The following ZNF142 variants were observed in gnomAD, a reference collection of about 807,000 sequenced individuals.
The protein encoded by ZNF142 is zinc finger protein 142.
In ZNF142, 96 loss-of-function variants were observed where a neutral mutation model predicts 132.1. That is an observed-to-expected ratio of 0.73 (90% CI 0.62 to 0.86). The LOEUF is 0.86. Ranked by LOEUF, ZNF142 falls within the 40% of genes least tolerant of loss-of-function variation. The pLI, the probability that ZNF142 is intolerant of heterozygous loss-of-function variation, is 0.00. For synonymous variants in ZNF142, 842 were observed against 890.1 expected, an observed-to-expected ratio of 0.95 and a Z score of 0.96; for missense variants, 2,163 against 2,336.2, an observed-to-expected ratio of 0.93 and a Z score of 1.53.
rs1362660602 is a variant in ZNF142 at position 218,636,971 on chromosome 2, C to G, written c.*1368G>C. 3 of 452,594 alleles carry G rather than the reference C, an allele frequency of 6.6e-6. No homozygotes were observed. The highest frequency in any genetic ancestry group is 1.3e-5 in the Non-Finnish European group (3 of 225,586). The allele number at this position is 452,594 out of a possible 1,614,324, so 28.0% of individuals were successfully genotyped here. A position where few individuals can be genotyped will look rare whatever the true frequency, so the allele number is the denominator to read the frequency against. Reference sequence around the variant, plus strand: ...GGAATAGAGAAACCTAAAGAAGCATCATCCCCTCCATCCCCAACTTCCTCA... The same window carrying G: ...GGAATAGAGAAACCTAAAGAAGCATGATCCCCTCCATCCCCAACTTCCTCA... On this transcript the variant is annotated 3_prime_UTR_variant, in exon 11 of 11. Transcript: ENST00000411696.
chr2:218,641,731 A>T (rs1176727427), intron 9 of ZNF142, among the ~76,000 whole-genome samples: 3 of 151,796 alleles, frequency 2.0e-5, no homozygotes, highest in Admixed American at 2.0e-4. Flanking sequence ...TTGTAATGGG[A>T]TCTCGCTCTG....
rs199581087 is a variant in ZNF142, at chr2:218,633,671, C to T, written c.*4668G>A. The T allele has an allele frequency of 4.5e-5, 73 of 1,613,304 alleles. No individual in the cohort carries two copies. The East Asian group carries it at 5.1e-4, about 11-fold the overall frequency. ...TATCTACTTGAAGTCTGTCTCATTC[C>T]GCAGCTTCACACATTCAAAGGAGCA... On this transcript the variant is annotated 3_prime_UTR_variant, in exon 11 of 11. Coordinates refer to ENST00000411696, the MANE Select transcript of ZNF142 (RefSeq NM_001379659.1).
In ZNF142 at chr2:218,633,668, T is replaced by A. The variant is rs1176861271; in HGVS notation, c.*4671A>T. ...GGTTATCTACTTGAAGTCTGTCTCA[T>A]TCCGCAGCTTCACACATTCAAAGGA... On this transcript the variant is annotated 3_prime_UTR_variant, in exon 11 of 11. Coordinates refer to ENST00000411696, the MANE Select transcript of ZNF142 (RefSeq NM_001379659.1). 6.2e-7 allele frequency: 1 copy of A among 1,613,392 alleles called. No homozygotes were observed. The highest frequency in any genetic ancestry group is 2.2e-5 in the East Asian group (1 of 44,890).
chr2:218,642,385 ATGC>A lies in ZNF142; in HGVS notation c.4728_4730del (p.Gln1576del). 1 of 1,613,024 alleles carries A rather than the reference ATGC, an allele frequency of 6.2e-7. No homozygotes were observed. Among genetic ancestry groups the A allele is most frequent in the African/African-American group, 1.3e-5 (1 of 75,064 alleles). ...CACAGAGCTGACAGCGGTGGCTGAA[ATGC>A]TGCTGCCTCCGGTGCTCATCCAGAG... is the stretch of plus-strand genomic sequence containing the variant. On this transcript the variant is annotated inframe_deletion, in exon 9 of 11. Transcript: ENST00000411696. This position sits in a 1 kb window ranked among gnomAD's most constrained non-coding sequence, Gnocchi z 4.6.
chr2:218,644,129 G>A lies in ZNF142; in HGVS notation c.2987C>T (p.Pro996Leu), dbSNP rs1489783697. The change falls in exon 9 of 11, where the codon CCA becomes CTA. Residue 996 changes from proline (P) to leucine (L), a missense_variant. Pro to Leu is a moderately conservative substitution (Grantham distance 98). Around this residue, in one of 7 missense-constraint regions of ZNF142, gnomAD observed 809 missense variants for 801.7 expected, o/e 1.01. Coordinates refer to ENST00000411696, the MANE Select transcript of ZNF142 (RefSeq NM_001379659.1). This position sits in a 1 kb window ranked among gnomAD's most constrained non-coding sequence, Gnocchi z 4.6. ...TPPAETAPLP[P>L]LPESESLLKA... The stretch of plus-strand genomic sequence containing the variant: ...GAGTAATGACTCTGACTCAGGTAAT[G>A]GGGGCAAGGGTGCTGTCTCAGCAGG... 1 of 1,614,102 alleles carries A rather than the reference G, an allele frequency of 6.2e-7. No individual in the cohort carries two copies. Among genetic ancestry groups the A allele is most frequent in the Non-Finnish European group, 8.5e-7 (1 of 1,180,004 alleles).
chr2:218,639,537 A>T (rs1490104243), intron 10 of ZNF142, among the ~76,000 whole-genome samples: 1 of 152,160 alleles, frequency 6.6e-6, no homozygotes, highest in African/African-American at 2.4e-5. Flanking sequence ...TCAAAAAGTC[A>T]AAGACCCAGC....
chr2:218,636,569 G>A lies in ZNF142; in HGVS notation c.*1770C>T. ...CATCCAGGAAGGCCTGGAGGGGGAT[G>A]AGTCCTGAGGTGGGCATTTCACGGG... On this transcript the variant is annotated 3_prime_UTR_variant, in exon 11 of 11. Transcript: ENST00000411696. 6.2e-7 allele frequency: 1 copy of A among 1,613,908 alleles called. No individual in the cohort carries two copies. Among genetic ancestry groups the A allele is most frequent in the South Asian group, 1.1e-5 (1 of 91,046 alleles).
Position 218,633,757 on chromosome 2 carries a change from G to T in ZNF142, c.*4582C>A. On this transcript the variant is annotated 3_prime_UTR_variant, in exon 11 of 11. Transcript: ENST00000411696. ...CCAAGGCCAAGCGCCTCATCAAGGA[G>T]GCTGGTCAGGACCAAAATGGAGGGA... The T allele has an allele frequency of 6.2e-7, 1 of 1,613,886 alleles. No homozygotes were observed. The highest frequency in any genetic ancestry group is 1.3e-5 in the African/African-American group (1 of 75,046).
intron 9 of ZNF142, among the ~76,000 whole-genome samples, chr2:218,641,356 C>A (rs1697176199): frequency 6.6e-6 from 1 of 151,616 alleles, no homozygotes; most frequent in South Asian, 2.1e-4. Context: ...ACGCCATTCA[C>A]CTGCCTCAGC....
In ZNF142 at chr2:218,634,255, G is replaced by A; in HGVS notation, c.*4084C>T. 1 of 1,591,986 alleles carries A rather than the reference G, an allele frequency of 6.3e-7. No homozygotes were observed. ...GCAGCAGGGACTGGGAAGAGGGAGT[G>A]GAGGAGCAGCAGGTGGGAAATAAGT... On this transcript the variant is annotated 3_prime_UTR_variant, in exon 11 of 11. Coordinates refer to ENST00000411696, the MANE Select transcript of ZNF142 (RefSeq NM_001379659.1). This position sits in a 1 kb window ranked among gnomAD's most constrained non-coding sequence, Gnocchi z 4.0.
At position 218,638,771 on chromosome 2, in the gene ZNF142, G is replaced by T; in HGVS notation, c.5232C>A (p.Cys1744Ter). Residue 1744 changes from cysteine (C) to a stop codon, truncating the protein, a stop_gained, in exon 11 of 11, where the codon TGC becomes TGA. Coordinates refer to ENST00000411696, the MANE Select transcript of ZNF142 (RefSeq NM_001379659.1). LOFTEE classifies it high-confidence loss of function. ...CACGCAGTGCATCAGCCCGGTTGGT[G>T]CAGTACTCACACTCGGGACACTGGT... Reference protein sequence around the residue: ...KPYQCPECEYCTNRADALRVH... With the variant: ...KPYQCPECEY 6.2e-7 allele frequency: 1 copy of T among 1,608,088 alleles called. No homozygotes were observed.
chr2:218,656,204 T>C lies in ZNF142; in HGVS notation c.226A>G (p.Ile76Val). The change falls in exon 4 of 11, where the codon ATT becomes GTT. Residue 76 changes from isoleucine to valine, a missense_variant. Physicochemically the swap from Ile to Val is conservative, Grantham distance 29. Transcript: ENST00000411696. ...TEEGPGNMEI[I>V]VETVAGTLTP... Reference sequence around the variant, plus strand: ...AGGGTTCCAGCTACTGTCTCCACAATGATCTCCATGTTCCCTGGTCCCTCT... The same window carrying C: ...AGGGTTCCAGCTACTGTCTCCACAACGATCTCCATGTTCCCTGGTCCCTCT... The C allele has an allele frequency of 6.2e-7, 1 of 1,612,296 alleles. No homozygotes were observed. Among genetic ancestry groups the C allele is most frequent in the Non-Finnish European group, 8.5e-7 (1 of 1,179,008 alleles).
chr2:218,651,822 G>A lies in ZNF142; in HGVS notation c.759C>T (p.Ser253=), dbSNP rs1234159065. The A allele has an allele frequency of 3.1e-6, 4 of 1,289,874 alleles. No homozygotes were observed. In the Admixed American group the frequency reaches 9.2e-5, roughly 30 times the overall value. The allele number at this position is 1,289,874 out of a possible 1,614,324, so 79.9% of individuals were successfully genotyped here. ...HRQAHYPFHC[S]HCSFIGSNVK... ...CGTTGGAGCCTATGAAGCTGCAGTG[G>A]CTGCAGTGGAAAGGGTAATGCGCCT... The change falls in exon 5 of 11, where the codon AGC becomes AGT. Residue 253 remains serine, a synonymous_variant. Transcript: ENST00000411696.
At chr2:218,655,981 G>A (rs748046378) in intron 4 of ZNF142, among the ~76,000 whole-genome samples, 169 bp downstream of exon 4, 6 of 152,166 alleles carry the variant, frequency 3.9e-5, no homozygotes, top group South Asian at 2.1e-4. Flanking sequence ...GCACCACTTC[G>A]CCAGCCTTCA....
At position 218,642,597 on chromosome 2, in the gene ZNF142, G is replaced by A. The variant is rs199873413; in HGVS notation, c.4519C>T (p.Arg1507Cys). 13 of 1,613,494 alleles carry A rather than the reference G, an allele frequency of 8.1e-6. No homozygotes were observed. Among genetic ancestry groups the A allele is most frequent in the Middle Eastern group, 1.6e-4 (1 of 6,084 alleles). ...SETALKQHAL[R>C]RHPEPAQPAP... is the part of the protein sequence containing the mutation. ...GGCTGTGCAGGCTCGGGGTGTCGGC[G>A]CAGAGCATGCTGCTTAAGTGCTGTC... Residue 1507 changes from arginine (R) to cysteine (C), a missense_variant, in exon 9 of 11, where the codon CGC becomes TGC. Transcript: ENST00000411696. The surrounding 1 kb of genome is among the most constrained non-coding windows in gnomAD (Gnocchi z 4.6).
Position 218,634,972 on chromosome 2 carries a change from G to C in ZNF142, c.*3367C>G, listed in dbSNP as rs1319036476. ...TAAAAGAGGCTGGCTGGGAGCGATA[G>C]CTTACACCTGTAATCCCAGCGCTTT... On this transcript the variant is annotated 3_prime_UTR_variant, in exon 11 of 11. Transcript: ENST00000411696. This position sits in a 1 kb window ranked among gnomAD's most constrained non-coding sequence, Gnocchi z 4.0. Among the ~76,000 whole-genome samples, 4 of 152,174 alleles carry C rather than the reference G, an allele frequency of 2.6e-5. No individual in the cohort carries two copies. The highest frequency in any genetic ancestry group is 9.7e-5 in the African/African-American group (4 of 41,440).
chr2:218,635,911 C>A lies in ZNF142; in HGVS notation c.*2428G>T. ...CGTCTAGACACAGCACGGCAGGAGA[C>A]CAACTATGTGGAGAACAATGGTGAG... On this transcript the variant is annotated 3_prime_UTR_variant, in exon 11 of 11. Transcript: ENST00000411696. The A allele has an allele frequency of 6.2e-7, 1 of 1,613,936 alleles. No homozygotes were observed. The highest frequency in any genetic ancestry group is 8.5e-7 in the Non-Finnish European group (1 of 1,179,880).
Position 218,643,361 on chromosome 2 carries a change from C to T in ZNF142, c.3755G>A (p.Gly1252Glu). 2 of 1,614,128 alleles carry T rather than the reference C, an allele frequency of 1.2e-6. No individual in the cohort carries two copies. Among genetic ancestry groups the T allele is most frequent in the Non-Finnish European group, 8.5e-7 (1 of 1,179,994 alleles). ...TSHVAEGCRG[G>E]RGGGGKRGTP... is the part of the protein sequence containing the mutation. ...CCCTCGTTTTCCTCCCCCGCCACGT[C>T]CCCCCCTGCAGCCTTCAGCCACGTG... is the stretch of plus-strand genomic sequence containing the variant. Residue 1252 changes from glycine (G) to glutamate (E), a missense_variant, in exon 9 of 11, where the codon GGA (glycine) becomes GAA (glutamate). Coordinates refer to ENST00000411696, the MANE Select transcript of ZNF142 (RefSeq NM_001379659.1).
Position 218,644,448 on chromosome 2 carries a change from C to T in ZNF142, c.2668G>A (p.Glu890Lys). ...GGSPSPAEVE[E>K]GSCTLHLEAL... ...TCTAGGTGTAGTGTGCAGCTGCCCTCCTCCACCTCTGCTGGGCTGGGACTG... is the reference window on the plus strand; with the variant it reads ...TCTAGGTGTAGTGTGCAGCTGCCCTTCTCCACCTCTGCTGGGCTGGGACTG... Residue 890 changes from glutamate to lysine, a missense_variant, in exon 9 of 11, where the codon GAG becomes AAG. Transcript: ENST00000411696. This position sits in a 1 kb window ranked among gnomAD's most constrained non-coding sequence, Gnocchi z 4.6. The T allele has an allele frequency of 6.2e-7, 1 of 1,614,062 alleles. No individual in the cohort carries two copies. The highest frequency in any genetic ancestry group is 1.1e-5 in the South Asian group (1 of 91,084).
Sources: gnomAD v4.1 joint callset for allele counts (sites outside exome capture counted in the v4.1 genomes callset) on GRCh38, gnomAD v4.1.1 for gene constraint, gnomAD v4.1.1 regional missense constraint, Gnocchi (gnomAD v3.1) non-coding constraint, MANE v1.5 for transcripts, NCBI Gene and HGNC (gene_info 2026-07-23, HGNC 2026-07-21) for gene names.